Variants in LRRC72 observed in about 807,000 individuals in gnomAD.
LRRC72 encodes the protein leucine rich repeat containing 72, also known as leucine-rich repeat-containing protein 72.
LRRC72 carries 41 observed loss-of-function variants against 35.8 expected under a neutral mutation model. The ratio of observed to expected loss-of-function variants is 1.15; its 90% CI spans 0.89 to 1.49. The LOEUF (loss-of-function observed/expected upper bound fraction) is 1.49, where lower values mean the gene tolerates loss of function less well. Among genes scored for constraint, LRRC72 ranks in the 40% most tolerant of loss-of-function variants. The pLI is 0.00. For synonymous variants in LRRC72, 118 were observed against 119.2 expected (o/e 0.99, Z 0.07); for missense variants, 389 against 330.7 (o/e 1.18, Z -1.37).
intron 5 of LRRC72, among the ~76,000 whole-genome samples, chr7:16,560,457 T>C (rs1782726457): frequency 6.6e-6 from 1 of 152,186 alleles, no homozygotes; most frequent in Admixed American, 6.6e-5. Context: ...TATGCTTATT[T>C]TGGAGACGTG....
At chr7:16,535,029 T>G (rs1488135352) in intron 2 of LRRC72, among the ~76,000 whole-genome samples, 2 of 151,940 alleles carry the variant, frequency 1.3e-5, no homozygotes, top group African/African-American at 4.8e-5. Context: ...AAACCCTGTC[T>G]CTACAAAAAA....
intron 3 of LRRC72, among the ~76,000 whole-genome samples, chr7:16,546,268 G>A (rs184269655): frequency 7.9e-5 from 12 of 151,978 alleles, no homozygotes; most frequent in African/African-American, 1.2e-4. Context: ...TCATCATGTC[G>A]TTTAATCACT....
chr7:16,544,864 C>T (rs1782418866), intron 3 of LRRC72, among the ~76,000 whole-genome samples: 1 of 152,200 alleles, frequency 6.6e-6, no homozygotes, highest in Non-Finnish European at 1.5e-5. Flanking sequence ...TGGGTTTCTG[C>T]TGTGCAGCAA....
chr7:16,543,265 G>C (rs1334093638), intron 3 of LRRC72, among the ~76,000 whole-genome samples: 6 of 152,136 alleles, frequency 3.9e-5, no homozygotes, highest in South Asian at 2.1e-4. Context: ...ACATTGCCCT[G>C]AGATATGAAT....
At chr7:16,560,144 G>GA (rs1393996774) in intron 5 of LRRC72, among the ~76,000 whole-genome samples, 4 of 152,170 alleles carry the variant, frequency 2.6e-5, no homozygotes, top group Admixed American at 2.6e-4. Context: ...CAACGAGTAG[G>GA]TTTTCAGACT....
At chr7:16,538,293 C>A (rs1244929285) in intron 3 of LRRC72, among the ~76,000 whole-genome samples, 1 of 152,080 alleles carries the variant, frequency 6.6e-6, no homozygotes, top group Non-Finnish European at 1.5e-5. Context: ...GTTGTAGTAG[C>A]AAAAAGGCAA....
intron 5 of LRRC72, among the ~76,000 whole-genome samples, chr7:16,564,029 G>GA (rs1486380077): frequency 6.6e-6 from 1 of 152,144 alleles, no homozygotes; most frequent in Non-Finnish European, 1.5e-5. Flanking sequence ...AGGATTAGCA[G>GA]AAAAACCCAA....
chr7:16,569,176 C>T (rs573575693), intron 7 of LRRC72, among the ~76,000 whole-genome samples: 93 of 152,146 alleles, frequency 6.1e-4, no homozygotes, highest in African/African-American at 2.2e-3. Context: ...ACCTGTAATC[C>T]CAGCACTTTG....
intron 2 of LRRC72, among the ~76,000 whole-genome samples, chr7:16,535,834 A>G (rs1251864612): frequency 4.6e-5 from 7 of 152,176 alleles, no homozygotes; most frequent in Admixed American, 3.3e-4. Context: ...CTACCAGACA[A>G]TTATCCTGGA....
At chr7:16,540,936 C>T (rs773213618) in intron 3 of LRRC72, among the ~76,000 whole-genome samples, 1 of 152,146 alleles carries the variant, frequency 6.6e-6, no homozygotes, top group Non-Finnish European at 1.5e-5. Flanking sequence ...AATACACTAT[C>T]CAAGCTGATT....
intron 2 of LRRC72, among the ~76,000 whole-genome samples, chr7:16,536,588 T>C (rs1198961128): frequency 6.6e-6 from 1 of 152,116 alleles, no homozygotes; most frequent in Non-Finnish European, 1.5e-5. Context: ...GTTATACAAG[T>C]GGTCATTGTA....
At chr7:16,546,518 C>T (rs1782446135) in intron 3 of LRRC72, among the ~76,000 whole-genome samples, 1 of 152,068 alleles carries the variant, frequency 6.6e-6, no homozygotes, top group Admixed American at 6.5e-5. Flanking sequence ...GAGAATCATT[C>T]AATACAGCAG....
intron 4 of LRRC72, among the ~76,000 whole-genome samples, 198 bp from the exon 5 acceptor site, chr7:16,558,691 T>C (rs997698516): frequency 1.3e-5 from 2 of 152,062 alleles, no homozygotes; most frequent in African/African-American, 4.8e-5. Flanking sequence ...ATTAATTATA[T>C]GAATTATGCC....
intron 2 of LRRC72, among the ~76,000 whole-genome samples, chr7:16,536,061 C>T (rs376650065): frequency 4.8e-4 from 73 of 152,046 alleles, no homozygotes; most frequent in African/African-American, 1.6e-3. Context: ...TTAGTAGAGA[C>T]GGGGTTTCAC....
chr7:16,534,766 T>A (rs1046878363), intron 2 of LRRC72, among the ~76,000 whole-genome samples: 4 of 152,260 alleles, frequency 2.6e-5, no homozygotes, highest in Middle Eastern at 3.4e-3. Context: ...TAGGAACAGA[T>A]GAAGTTAATG....
intron 2 of LRRC72, 43 bp downstream of exon 2, chr7:16,532,611 C>T (rs1265220597): frequency 5.2e-6 from 7 of 1,350,538 alleles, no homozygotes; most frequent in Non-Finnish European, 6.2e-6. Flanking sequence ...ATCATGTTAT[C>T]ATGATCATGT....
At chr7:16,534,852 A>G (rs1188820636) in intron 2 of LRRC72, among the ~76,000 whole-genome samples, 1 of 152,174 alleles carries the variant, frequency 6.6e-6, no homozygotes, top group Admixed American at 6.5e-5. Context: ...TAAGCTACAT[A>G]TATACAGTGA....
chr7:16,574,453 G>A (rs1050468713), intron 7 of LRRC72, among the ~76,000 whole-genome samples: 8 of 152,182 alleles, frequency 5.3e-5, no homozygotes, highest in African/African-American at 1.9e-4. Flanking sequence ...TATACACCAT[G>A]GAATACTATG....
chr7:16,545,859 C>A (rs1171476062), intron 3 of LRRC72, among the ~76,000 whole-genome samples: 1 of 151,872 alleles, frequency 6.6e-6, no homozygotes, highest in Non-Finnish European at 1.5e-5. Flanking sequence ...AAAAATATAA[C>A]CTATTTTTCG....
Sources: allele counts gnomAD v4.1 joint callset (sites outside exome capture counted in the v4.1 genomes callset), GRCh38; gene constraint gnomAD v4.1.1; transcripts MANE v1.5; gene names NCBI Gene and HGNC (gene_info 2026-07-23, HGNC 2026-07-21).